Variants in PRKCQ observed in about 807,000 individuals in gnomAD.
PRKCQ encodes the protein protein kinase C theta type.
In PRKCQ, 41 loss-of-function variants were observed where a neutral mutation model predicts 91.2. The observed-to-expected ratio is 0.45, with a 90% confidence interval of 0.35 to 0.58. The LOEUF is 0.58. Among genes scored for constraint, PRKCQ ranks in the 20% least tolerant of loss-of-function variants. PRKCQ has a pLI of 0.00. For missense variants in PRKCQ, 673 were observed against 896.5 expected (o/e 0.75, Z 3.18); for synonymous variants, 307 against 316.9 (o/e 0.97, Z 0.33).
chr10:6,425,010 A>T (rs1461896335), downstream of PRKCQ, among the ~76,000 whole-genome samples: 1 of 152,156 alleles, frequency 6.6e-6, no homozygotes, highest in Non-Finnish European at 1.5e-5. Flanking sequence ...TGCGTCCCCT[A>T]GAAGGGGGAC....
downstream of PRKCQ, among the ~76,000 whole-genome samples, chr10:6,422,995 A>G (rs1029686455): frequency 3.3e-5 from 5 of 152,124 alleles, no homozygotes; most frequent in African/African-American, 1.2e-4. Context: ...TCCATTTCCA[A>G]ATATCTCTGG....
chr10:6,478,351 A>C (rs1836386020), intron 12 of PRKCQ, among the ~76,000 whole-genome samples: 2 of 152,202 alleles, frequency 1.3e-5, no homozygotes, highest in East Asian at 1.9e-4. Flanking sequence ...GTTTATAAAA[A>C]TTTTCTACAA....
intron 1 of PRKCQ, among the ~76,000 whole-genome samples, chr10:6,532,408 T>G (rs1475248582): frequency 1.3e-5 from 2 of 152,242 alleles, no homozygotes; most frequent in Non-Finnish European, 2.9e-5. Flanking sequence ...CCTGAGCCAT[T>G]CAGATTATTT....
At chr10:6,466,756 C>T (rs1647553820) in intron 12 of PRKCQ, among the ~76,000 whole-genome samples, 2 of 152,176 alleles carry the variant, frequency 1.3e-5, no homozygotes, top group South Asian at 4.1e-4. Context: ...TTGAAGGCAA[C>T]CCACAGCTGA....
chr10:6,489,926 G>GTGGA (rs953936916), intron 8 of PRKCQ, among the ~76,000 whole-genome samples: 8 of 152,184 alleles, frequency 5.3e-5, no homozygotes, highest in Admixed American at 1.3e-4. Flanking sequence ...CTTCTTGCAA[G>GTGGA]TGGATTCTCG....
At chr10:6,484,817 A>T (rs1836811522) in intron 10 of PRKCQ, among the ~76,000 whole-genome samples, 1 of 152,186 alleles carries the variant, frequency 6.6e-6, no homozygotes, top group East Asian at 1.9e-4. Context: ...CAGAGTAAGA[A>T]TGTCTTCTGT....
intron 2 of PRKCQ, chr10:6,512,203 C>G (rs1838511162): frequency 6.6e-6 from 1 of 152,182 alleles, no homozygotes; most frequent in Non-Finnish European, 1.5e-5. Context: ...ATCTTTAAAA[C>G]ATAATGAGCC....
At chr10:6,556,636 TTTACAC>T (rs2130946286) in intron 1 of PRKCQ, among the ~76,000 whole-genome samples, 1 of 147,658 alleles carries the variant, frequency 6.8e-6, no homozygotes, top group Admixed American at 6.9e-5. Context: ...GCCACTGCAC[TTTACAC>T]TTAAAGTGGT....
At chr10:6,467,389 C>CAGACAG (rs1835734879) in intron 12 of PRKCQ, among the ~76,000 whole-genome samples, 1 of 27,772 alleles carries the variant, frequency 3.6e-5, no homozygotes, top group Admixed American at 5.1e-4. Flanking sequence ...GAGAGACAGA[C>CAGACAG]AGAGAGAGAG....
rs56223501 is a variant in PRKCQ, at chr10:6,497,604, C to T, written c.543-353G>A. 0.023 allele frequency among the ~76,000 whole-genome samples: 3,496 copies of T among 152,256 alleles called. 130 individuals are homozygous for T. Among genetic ancestry groups the T allele is most frequent in the African/African-American group, 0.08 (3,317 of 41,520 alleles). ...ATGGCCTCGCTGAGCTCACTACAGA[C>T]GAACAAAGACATCTGTAACATTTTA... On this transcript the variant is annotated intron_variant, in intron 5 of 17. Coordinates refer to ENST00000263125, the MANE Select transcript of PRKCQ (RefSeq NM_006257.5). This position sits in a 1 kb window ranked among gnomAD's most constrained non-coding sequence, Gnocchi z 4.5.
At chr10:6,516,913 G>A (rs1838786026) in intron 1 of PRKCQ, among the ~76,000 whole-genome samples, 1 of 152,146 alleles carries the variant, frequency 6.6e-6, no homozygotes, top group Admixed American at 6.5e-5. Context: ...CTGTCCCCCT[G>A]AAGGTCTTCC....
At chr10:6,551,081 A>G (rs1370396557) in intron 1 of PRKCQ, among the ~76,000 whole-genome samples, 1 of 152,114 alleles carries the variant, frequency 6.6e-6, no homozygotes, top group African/African-American at 2.4e-5. Context: ...GGTTTGTTGT[A>G]CAGATTATTT....
chr10:6,434,397 T>A (rs647063), intron 16 of PRKCQ, among the ~76,000 whole-genome samples: 150,670 of 152,356 alleles, frequency 0.99, 74,516 homozygotes, highest in East Asian at 1. Context: ...TTTAAAAAAT[T>A]AAATGTGTAA....
intron 17 of PRKCQ, among the ~76,000 whole-genome samples, chr10:6,428,735 G>C (rs1476414844): frequency 6.6e-6 from 1 of 152,192 alleles, no homozygotes; most frequent in African/African-American, 2.4e-5. Context: ...GGATAAGGGA[G>C]GGTGGTGGGG....
intron 16 of PRKCQ, among the ~76,000 whole-genome samples, chr10:6,438,135 A>G (rs1833792172): frequency 1.3e-5 from 2 of 152,222 alleles, no homozygotes; most frequent in African/African-American, 4.8e-5. Context: ...AAGTGGCTCA[A>G]ATTTTTAAAC....
At chr10:6,410,541 T>C in the PRKCQ span, among the ~76,000 whole-genome samples, 1,773 of 152,144 alleles carry the variant, frequency 0.012, 20 homozygotes, top group Non-Finnish European at 0.017. Flanking sequence ...GGGCTCTAAG[T>C]AGCAGTGGTG....
chr10:6,568,499 C>T (rs1840914716), intron 1 of PRKCQ, among the ~76,000 whole-genome samples: 1 of 147,602 alleles, frequency 6.8e-6, no homozygotes, highest in Non-Finnish European at 1.5e-5. Context: ...CTTAGCTTAA[C>T]CTTTTTTTTT....
chr10:6,571,108 GA>G (rs1841029394), intron 1 of PRKCQ, among the ~76,000 whole-genome samples: 1 of 152,190 alleles, frequency 6.6e-6, no homozygotes. Context: ...GGGGAAGACA[GA>G]GATCCTAGAT....
At chr10:6,406,151 T>C in the PRKCQ span, among the ~76,000 whole-genome samples, 5 of 151,928 alleles carry the variant, frequency 3.3e-5, no homozygotes, top group Non-Finnish European at 5.9e-5. Context: ...ATCTAAAGCA[T>C]TGTGTGAATT....
Sources: gnomAD v4.1 joint callset for allele counts (sites outside exome capture counted in the v4.1 genomes callset) on GRCh38, gnomAD v4.1.1 for gene constraint, Gnocchi (gnomAD v3.1) non-coding constraint, MANE v1.5 for transcripts, NCBI Gene and HGNC (gene_info 2026-07-23, HGNC 2026-07-21) for gene names.